The following OR4F5 variants were observed in gnomAD, a reference collection of about 807,000 sequenced individuals.
OR4F5 encodes the protein olfactory receptor family 4 subfamily F member 5.
A neutral mutation model predicts 5.8 loss-of-function variants in OR4F5; 1 was observed. The observed-to-expected ratio is 0.17, with a 90% CI of 0.06 to 0.82. OR4F5 has a LOEUF of 0.82. Among genes scored for constraint, OR4F5 ranks in the 40% least tolerant of loss-of-function variants. The pLI, the probability that OR4F5 is intolerant of heterozygous loss-of-function variation, is 0.72. For missense variants in OR4F5, 47 were observed against 175.5 expected, an observed-to-expected ratio of 0.27 and a Z score of 4.14; for synonymous variants, 18 against 63.7, an observed-to-expected ratio of 0.28 and a Z score of 3.42.
At chr1:66,095 A>G (rs1317181839) in intron 2 of OR4F5, among the ~76,000 whole-genome samples, 16 of 115,574 alleles carry the variant, frequency 1.4e-4, no homozygotes, top group African/African-American at 4.4e-4. Context: ...CACACTGTGA[A>G]TTTGTGCCAG....
intron 2 of OR4F5, among the ~76,000 whole-genome samples, chr1:66,335 T>A (rs867301712): frequency 2.6e-4 from 3 of 11,686 alleles, no homozygotes; most frequent in East Asian, 6.7e-4. Context: ...TAATATATAT[T>A]TTATTATATA....
At chr1:66,542 A>T (rs1310517154) in intron 2 of OR4F5, among the ~76,000 whole-genome samples, 1 of 79,432 alleles carries the variant, frequency 1.3e-5, no homozygotes, top group Non-Finnish European at 2.7e-5. Flanking sequence ...TATTATATTT[A>T]TATATAACAT....
At chr1:66,381 T>TATATA (rs545426917) in intron 2 of OR4F5, among the ~76,000 whole-genome samples, 2 of 65,266 alleles carry the variant, frequency 3.1e-5, no homozygotes, top group African/African-American at 1.1e-4. Context: ...ATATATAAAT[T>TATATA]ATATAATATA....
At position 67,355 on chromosome 1, in the gene OR4F5, T is replaced by A. The variant is rs1373599464; in HGVS notation, c.10-1682T>A. On this transcript the variant is annotated intron_variant, in intron 2 of 2. Transcript: ENST00000641515. Reference sequence around the variant, plus strand: ...AAAAACAGTAATGTGCTGCTTTGAGTGTGTAGGACTAAGAAATGGGATTCA... The same window carrying A: ...AAAAACAGTAATGTGCTGCTTTGAGAGTGTAGGACTAAGAAATGGGATTCA... 3.9e-5 allele frequency among the ~76,000 whole-genome samples: 4 copies of A among 103,672 alleles called. No individual in the cohort carries two copies. In the South Asian group the frequency reaches 1.2e-3, roughly 31 times the overall value. 68.0% of individuals were successfully genotyped at this position (103,672 alleles called of 152,430 possible). A position where few individuals can be genotyped will look rare whatever the true frequency, so the allele number is the denominator to read the frequency against.
In OR4F5 at chr1:66,226, TTATATAATA is replaced by T. The variant is rs1178726139; in HGVS notation, c.9+659_9+667del. Among the ~76,000 whole-genome samples, 2 of 21,540 alleles carry T rather than the reference TTATATAATA, an allele frequency of 9.3e-5. 1 individual carries two copies. Among genetic ancestry groups the T allele is most frequent in the Non-Finnish European group, 3.1e-4 (2 of 6,378 alleles). 14.1% of individuals were successfully genotyped at this position (21,540 alleles called of 152,430 possible). ...TTACATATTATATATATAATATATA[TTATATAATA>T]TATATTATATTATATAATATATAAT... On this transcript the variant is annotated intron_variant, in intron 2 of 2. Transcript: ENST00000641515.
At chr1:66,664 G>A (rs1424190293) in intron 2 of OR4F5, among the ~76,000 whole-genome samples, 3 of 112,160 alleles carry the variant, frequency 2.7e-5, no homozygotes, top group Non-Finnish European at 5.9e-5. Context: ...ATAATCTATG[G>A]CATGAAAGAT....
chr1:67,142 A>C (rs1445604625), intron 2 of OR4F5, among the ~76,000 whole-genome samples: 1 of 116,292 alleles, frequency 8.6e-6, no homozygotes, highest in Non-Finnish European at 2.1e-5. Flanking sequence ...CAGTCCAACC[A>C]ACCAGTCAGG....
chr1:66,377 A>ATT (rs1491513141), intron 2 of OR4F5, among the ~76,000 whole-genome samples: 4 of 7,956 alleles, frequency 5.0e-4, no homozygotes, highest in South Asian at 1.9e-3. Context: ...TATAATATAT[A>ATT]AATTATATAA....
intron 2 of OR4F5, among the ~76,000 whole-genome samples, chr1:68,302 G>C (rs1639965902): frequency 8.9e-6 from 1 of 112,616 alleles, no homozygotes; most frequent in African/African-American, 2.7e-5. Flanking sequence ...ACCACAACCT[G>C]CAGCTATTAC....
At chr1:67,111 C>T (rs1414837855) in intron 2 of OR4F5, among the ~76,000 whole-genome samples, 3 of 112,748 alleles carry the variant, frequency 2.7e-5, no homozygotes, top group African/African-American at 8.0e-5. Context: ...TTCTAAATTG[C>T]ACACTTTGAT....
In OR4F5 at chr1:70,861, T is replaced by C. The variant is rs1639992465; in HGVS notation, c.*853T>C. 1.1e-5 allele frequency: 1 copy of C among 91,196 alleles called. No individual in the cohort carries two copies. Among genetic ancestry groups the C allele is most frequent in the African/African-American group, 3.2e-5 (1 of 30,878 alleles). The allele number at this position is 91,196 out of a possible 1,614,324, so 5.6% of individuals were successfully genotyped here. A position where few individuals can be genotyped will look rare whatever the true frequency, so the allele number is the denominator to read the frequency against. ...TATAAACAGGAGATTATACCTATTATGCATGGTTATTATGAAGGAAAATGA... is the reference window on the plus strand; with the variant it reads ...TATAAACAGGAGATTATACCTATTACGCATGGTTATTATGAAGGAAAATGA... On this transcript the variant is annotated 3_prime_UTR_variant, in exon 3 of 3. Coordinates refer to ENST00000641515, the MANE Select transcript of OR4F5 (RefSeq NM_001005484.2).
Position 66,250 on chromosome 1 carries a change from TAA to T in OR4F5, c.9+678_9+679del, listed in dbSNP as rs1334597041. 4.2e-3 allele frequency among the ~76,000 whole-genome samples: 66 copies of T among 15,830 alleles called. 9 individuals are homozygous for T. The highest frequency in any genetic ancestry group is 0.033 in the Middle Eastern group (1 of 30). The allele number at this position is 15,830 out of a possible 152,430, so 10.4% of individuals were successfully genotyped here. On this transcript the variant is annotated intron_variant, in intron 2 of 2. Transcript: ENST00000641515. ...ATTATATAATATATATTATATTATATAATATATAATATAAATATAATATAAAT... is the reference window on the plus strand; with the variant it reads ...ATTATATAATATATATTATATTATATTATATAATATAAATATAATATAAAT...
At chr1:66,104 A>G (rs1326599533) in intron 2 of OR4F5, among the ~76,000 whole-genome samples, 1 of 114,574 alleles carries the variant, frequency 8.7e-6, no homozygotes, top group Non-Finnish European at 2.0e-5. Context: ...AATTTGTGCC[A>G]GAACCCAAAT....
intron 2 of OR4F5, among the ~76,000 whole-genome samples, chr1:68,519 T>A (rs2100336395): frequency 2.4e-5 from 1 of 40,916 alleles, no homozygotes; most frequent in Middle Eastern, 0.016. Flanking sequence ...TTTCTCTCAT[T>A]TAAACTTTAT....
intron 2 of OR4F5, among the ~76,000 whole-genome samples, chr1:66,426 T>G (rs1639944299): frequency 1.4e-5 from 1 of 69,936 alleles, no homozygotes; most frequent in African/African-American, 4.9e-5. Context: ...TTTTATTATA[T>G]AAATATATAT....
At chr1:66,303 TATAATATAAATTATATAAATATAATA>T (rs1639939105) in intron 2 of OR4F5, among the ~76,000 whole-genome samples, 1 of 40,306 alleles carries the variant, frequency 2.5e-5, no homozygotes, top group Non-Finnish European at 5.1e-5. Flanking sequence ...ATAATATAAA[TATAATATAAATTATATAAATATAATA>T]TATATTTTAT....
chr1:66,944 T>C (rs1488854978), intron 2 of OR4F5, among the ~76,000 whole-genome samples: 4 of 105,042 alleles, frequency 3.8e-5, no homozygotes, highest in African/African-American at 1.1e-4. Flanking sequence ...ATTCCTGAAT[T>C]CTTACTAACA....
chr1:67,134 G>A lies in OR4F5; in HGVS notation c.9+1561G>A, dbSNP rs1229190228. ...TGCACACTTTGATTCAAAAGAAACAGTCCAACCAACCAGTCAGGACAGAAA... is the reference window on the plus strand; with the variant it reads ...TGCACACTTTGATTCAAAAGAAACAATCCAACCAACCAGTCAGGACAGAAA... On this transcript the variant is annotated intron_variant, in intron 2 of 2. Transcript: ENST00000641515. 5.2e-5 allele frequency among the ~76,000 whole-genome samples: 6 copies of A among 115,108 alleles called. 1 individual carries two copies. Among genetic ancestry groups the A allele is most frequent in the Non-Finnish European group, 1.1e-4 (5 of 47,010 alleles). The allele number at this position is 115,108 out of a possible 152,430, so 75.5% of individuals were successfully genotyped here. A position where few individuals can be genotyped will look rare whatever the true frequency, so the allele number is the denominator to read the frequency against.
intron 2 of OR4F5, among the ~76,000 whole-genome samples, chr1:67,947 A>AT (rs1202587463): frequency 1.1e-4 from 4 of 35,820 alleles, no homozygotes; most frequent in African/African-American, 2.4e-4. Flanking sequence ...TTGGAATAAC[A>AT]TTTTTTTTAT....
Sources: gnomAD v4.1 joint callset for allele counts (sites outside exome capture counted in the v4.1 genomes callset) on GRCh38, gnomAD v4.1.1 for gene constraint, MANE v1.5 for transcripts, NCBI Gene and HGNC (gene_info 2026-07-23, HGNC 2026-07-21) for gene names.